The following DOK5 variants were observed in gnomAD, a reference collection of about 807,000 sequenced individuals.
DOK5 encodes docking protein 5.
Under a neutral mutation model 43.3 loss-of-function variants are expected in DOK5, and 27 were observed. That is an observed-to-expected ratio of 0.62 (90% confidence interval 0.46 to 0.86). The LOEUF is 0.86. Ranked by LOEUF, DOK5 falls within the 40% of genes least tolerant of loss-of-function variation. DOK5 has a pLI of 0.00. For missense variants in DOK5, 373 were observed against 392.9 expected (o/e 0.95, Z 0.43); for synonymous variants, 146 against 140.1 (o/e 1.04, Z -0.30).
intron 2 of DOK5, chr20:54,555,245 G>T (rs1414676096): frequency 3.9e-6 from 2 of 518,894 alleles, no homozygotes; most frequent in Non-Finnish European, 6.9e-6. Context: ...CCTGCTATTT[G>T]CTGTAGCTGT....
chr20:54,618,213 C>T (rs1355835419), intron 6 of DOK5, among the ~76,000 whole-genome samples: 2 of 152,232 alleles, frequency 1.3e-5, no homozygotes, highest in South Asian at 2.1e-4. Flanking sequence ...CTCATTACTA[C>T]TGGAGCCAGG....
At chr20:54,626,583 G>T (rs1987138031) in intron 6 of DOK5, among the ~76,000 whole-genome samples, 1 of 151,668 alleles carries the variant, frequency 6.6e-6, no homozygotes, top group African/African-American at 2.4e-5. Flanking sequence ...CTCTTTATTA[G>T]CAATTCCTAA....
intron 1 of DOK5, among the ~76,000 whole-genome samples, chr20:54,505,782 G>C (rs1454048870): frequency 6.6e-6 from 1 of 152,116 alleles, no homozygotes; most frequent in Non-Finnish European, 1.5e-5. Flanking sequence ...CAGGCAGAAG[G>C]AACAGCCAGC....
chr20:54,493,078 A>AC (rs1326467839), intron 1 of DOK5, among the ~76,000 whole-genome samples: 27 of 150,828 alleles, frequency 1.8e-4, no homozygotes, highest in African/African-American at 6.6e-4. Context: ...AAAAAAAAAA[A>AC]AAAGGGATGT....
intron 6 of DOK5, among the ~76,000 whole-genome samples, chr20:54,622,819 A>C (rs761988873): frequency 2.0e-5 from 3 of 152,150 alleles, no homozygotes; most frequent in Non-Finnish European, 4.4e-5. Context: ...GAGCATGGCA[A>C]AGAAGAGAGA....
intron 6 of DOK5, among the ~76,000 whole-genome samples, chr20:54,640,770 A>G (rs1476483781): frequency 1.3e-5 from 2 of 152,242 alleles, no homozygotes; most frequent in African/African-American, 4.8e-5. Context: ...TGTTTTCTTT[A>G]TATGAAATTT....
intron 6 of DOK5, among the ~76,000 whole-genome samples, chr20:54,614,907 G>A (rs954250645): frequency 2.0e-5 from 3 of 152,124 alleles, no homozygotes; most frequent in Non-Finnish European, 4.4e-5. Context: ...ACCCTGCCTC[G>A]GTTATTGTTT....
intron 2 of DOK5, among the ~76,000 whole-genome samples, chr20:54,578,576 A>T (rs909660365): frequency 6.6e-6 from 1 of 152,184 alleles, no homozygotes; most frequent in African/African-American, 2.4e-5. Flanking sequence ...GTGTGCAAGG[A>T]TATCTAAAAA....
intron 1 of DOK5, among the ~76,000 whole-genome samples, chr20:54,487,369 G>C (rs1461396560): frequency 1.3e-5 from 2 of 152,002 alleles, no homozygotes; most frequent in African/African-American, 4.8e-5. Flanking sequence ...TGTTAAATTT[G>C]ACATTTTCTC....
At chr20:54,631,983 A>AAAC in intron 6 of DOK5, among the ~76,000 whole-genome samples, 1 of 152,312 alleles carries the variant, frequency 6.6e-6, no homozygotes, top group Middle Eastern at 3.4e-3. Context: ...AAACAAAACA[A>AAAC]AACAACAACA....
intron 2 of DOK5, among the ~76,000 whole-genome samples, chr20:54,568,303 G>T (rs766071729): frequency 6.6e-6 from 1 of 152,140 alleles, no homozygotes; most frequent in African/African-American, 2.4e-5. Context: ...TCTTAATAGC[G>T]TATACCTCTA....
At chr20:54,620,321 C>G (rs1387535714) in intron 6 of DOK5, among the ~76,000 whole-genome samples, 2 of 152,158 alleles carry the variant, frequency 1.3e-5, no homozygotes, top group Non-Finnish European at 2.9e-5. Context: ...TCACTGCAAC[C>G]CCCGCCTCCC....
chr20:54,524,665 A>G (rs1983521128), intron 1 of DOK5, among the ~76,000 whole-genome samples: 1 of 152,242 alleles, frequency 6.6e-6, no homozygotes, highest in South Asian at 2.1e-4. Flanking sequence ...CAGTAGAAGG[A>G]CAGCTGGCTT....
chr20:54,506,497 G>A (rs1982807197), intron 1 of DOK5, among the ~76,000 whole-genome samples: 1 of 152,134 alleles, frequency 6.6e-6, no homozygotes, highest in Non-Finnish European at 1.5e-5. Context: ...GTCTTTCTCT[G>A]TCACCCAGGC....
chr20:54,648,924 T>C (rs1197217457), intron 7 of DOK5, among the ~76,000 whole-genome samples: 1 of 152,192 alleles, frequency 6.6e-6, no homozygotes, highest in Non-Finnish European at 1.5e-5. Context: ...TAGGCCAAGG[T>C]GCTTCATTGC....
At chr20:54,555,891 A>G (rs1330839708) in intron 2 of DOK5, among the ~76,000 whole-genome samples, 1 of 152,168 alleles carries the variant, frequency 6.6e-6, no homozygotes, top group African/African-American at 2.4e-5. Context: ...TTTATGCGAA[A>G]CCAGTTGATC....
rs1402387281 is a variant in DOK5 at position 54,644,799 on chromosome 20, C to G, written c.856+1221C>G. On this transcript the variant is annotated intron_variant, in intron 7 of 7. Transcript: ENST00000262593. Reference sequence around the variant, plus strand: ...AGGGGAATCACCTGAACCTGGGAGGCGGTGGTTGCAGTGAGCCAGAATTGC... The same window carrying G: ...AGGGGAATCACCTGAACCTGGGAGGGGGTGGTTGCAGTGAGCCAGAATTGC... 2.0e-5 allele frequency among the ~76,000 whole-genome samples: 3 copies of G among 150,796 alleles called. No homozygotes were observed. In the East Asian group the frequency reaches 5.9e-4, roughly 29 times the overall value.
chr20:54,646,529 A>C (rs1368933713), intron 7 of DOK5, among the ~76,000 whole-genome samples: 1 of 152,186 alleles, frequency 6.6e-6, no homozygotes, highest in Non-Finnish European at 1.5e-5. Context: ...CTGGAATTAT[A>C]GATATCAGCC....
At chr20:54,559,391 C>A (rs1687173203) in intron 2 of DOK5, among the ~76,000 whole-genome samples, 2 of 152,172 alleles carry the variant, frequency 1.3e-5, no homozygotes, top group Non-Finnish European at 2.9e-5. Flanking sequence ...GCCTCCAAGG[C>A]AAGTCACACA....
Sources: gnomAD v4.1 joint callset for allele counts (sites outside exome capture counted in the v4.1 genomes callset) on GRCh38, gnomAD v4.1.1 for gene constraint, MANE v1.5 for transcripts, NCBI Gene and HGNC (gene_info 2026-07-23, HGNC 2026-07-21) for gene names.